Variants in PCDHGC3 observed in about 807,000 individuals in gnomAD.
The protein encoded by PCDHGC3 is protocadherin gamma-C3.
Under a neutral mutation model 59.2 loss-of-function variants are expected in PCDHGC3, and 26 were observed. The ratio of observed to expected loss-of-function variants is 0.44; its 90% CI spans 0.32 to 0.61. The LOEUF is 0.61. PCDHGC3 is among the 20% of genes least tolerant of loss of function. PCDHGC3 has a pLI of 0.05. For missense variants in PCDHGC3, 1,080 were observed against 1,221.8 expected, an observed-to-expected ratio of 0.88 and a Z score of 1.73; for synonymous variants, 487 against 519.7, an observed-to-expected ratio of 0.94 and a Z score of 0.86.
rs1252008984 is a variant in PCDHGC3, at chr5:141,478,145, T to C, written c.2029T>C (p.Phe677Leu). 6.2e-7 allele frequency: 1 copy of C among 1,614,026 alleles called. No individual in the cohort carries two copies. ...TEDSPEARAE[F>L]PSGSAPREQK... ...GGACTCTCCTGAAGCCCGAGCCGAG[T>C]TCCCCTCTGGCTCTGCCCCCCGGGA... Residue 677 changes from phenylalanine to leucine, a missense_variant, in exon 1 of 4, where the codon TTC becomes CTC. By Grantham distance (22) the Phe-to-Leu change is conservative (BLOSUM62 0). Transcript: ENST00000308177.
chr5:141,502,864 G>GGCTTTTTT (rs2099816401), intron 2 of PCDHGC3, among the ~76,000 whole-genome samples: 1 of 61,572 alleles, frequency 1.6e-5, no homozygotes, highest in Non-Finnish European at 3.0e-5. Flanking sequence ...CTGACTCTCT[G>GGCTTTTTT]TCTTTTTTTT....
In PCDHGC3 at chr5:141,489,365, G is replaced by A. The variant is rs774363104; in HGVS notation, c.2431-5442G>A. ...TCAGTGGTGGAGGAGTCTGAGCCGG[G>A]GACGCTGGTGGGGAATGTTGCTCAG... On this transcript the variant is annotated intron_variant, in intron 1 of 3. Transcript: ENST00000308177. The surrounding 1 kb of genome is among the most constrained non-coding windows in gnomAD (Gnocchi z 4.5). The A allele has an allele frequency of 6.2e-7, 1 of 1,613,512 alleles. No individual in the cohort carries two copies.
chr5:141,490,149 T>C lies in PCDHGC3; in HGVS notation c.2431-4658T>C. The C allele has an allele frequency of 1.9e-6, 3 of 1,614,188 alleles. No individual in the cohort carries two copies. The highest frequency in any genetic ancestry group is 2.7e-5 in the African/African-American group (2 of 75,050). On this transcript the variant is annotated intron_variant, in intron 1 of 3. Coordinates refer to ENST00000308177, the MANE Select transcript of PCDHGC3 (RefSeq NM_002588.4). This position sits in a 1 kb window ranked among gnomAD's most constrained non-coding sequence, Gnocchi z 5.4. ...TAGACCCTAGCAGTGGGGCAATCCA[T>C]GTGTTGGGTCCCATAGACTTTGAGG... is the stretch of plus-strand genomic sequence containing the variant.
At chr5:141,509,650 T>C (rs1484029268) in intron 3 of PCDHGC3, among the ~76,000 whole-genome samples, 1 of 152,188 alleles carries the variant, frequency 6.6e-6, no homozygotes, top group African/African-American at 2.4e-5. Context: ...GGCCAGAGTG[T>C]GGACTTCTCT....
Position 141,477,657 on chromosome 5 carries a change from G to C in PCDHGC3, c.1541G>C (p.Arg514Pro). 4 of 1,614,190 alleles carry C rather than the reference G, an allele frequency of 2.5e-6. No individual in the cohort carries two copies. Among genetic ancestry groups the C allele is most frequent in the Non-Finnish European group, 3.4e-6 (4 of 1,180,038 alleles). ...GLVGRYFTIN[R>P]DNGIVSSLVP... The stretch of plus-strand genomic sequence containing the variant: ...GTGGGTCGCTATTTCACAATAAATC[G>C]TGACAATGGCATAGTGTCATCCTTA... The change falls in exon 1 of 4, where the codon CGT becomes CCT. Residue 514 changes from arginine to proline, a missense_variant. Coordinates refer to ENST00000308177, the MANE Select transcript of PCDHGC3 (RefSeq NM_002588.4). The surrounding 1 kb of genome is among the most constrained non-coding windows in gnomAD (Gnocchi z 4.9).
chr5:141,485,441 A>T lies in PCDHGC3; in HGVS notation c.2430+6895A>T. On this transcript the variant is annotated intron_variant, in intron 1 of 3. Coordinates refer to ENST00000308177, the MANE Select transcript of PCDHGC3 (RefSeq NM_002588.4). The surrounding 1 kb of genome is among the most constrained non-coding windows in gnomAD (Gnocchi z 5.7). ...CGGAGCCCTGCTCATCAAGAACCCA[A>T]TCGACCGAGAGGCACTGTGTGGGCT... is the stretch of plus-strand genomic sequence containing the variant. The T allele has an allele frequency of 6.2e-7, 1 of 1,613,910 alleles. No homozygotes were observed. The highest frequency in any genetic ancestry group is 1.1e-5 in the South Asian group (1 of 91,062).
chr5:141,502,308 C>T (rs928137926), intron 2 of PCDHGC3, among the ~76,000 whole-genome samples: 2 of 151,586 alleles, frequency 1.3e-5, no homozygotes, highest in Non-Finnish European at 2.9e-5. Flanking sequence ...CTTTCCTCTC[C>T]TTTAATCTGG....
chr5:141,478,045 T>C lies in PCDHGC3; in HGVS notation c.1929T>C (p.Thr643=). ...PVQDTDSPRQ[T]LTVLIKDNGE... is the part of the protein sequence containing the mutation. The stretch of plus-strand genomic sequence containing the variant: ...AAGACACAGATTCACCCAGGCAGAC[T>C]CTCACGGTCTTGATCAAAGACAATG... Residue 643 remains threonine, a synonymous_variant, in exon 1 of 4, where the codon ACT becomes ACC. Coordinates refer to ENST00000308177, the MANE Select transcript of PCDHGC3 (RefSeq NM_002588.4). 3 of 1,614,144 alleles carry C rather than the reference T, an allele frequency of 1.9e-6. No individual in the cohort carries two copies. Among genetic ancestry groups the C allele is most frequent in the East Asian group, 2.2e-5 (1 of 44,880 alleles).
At chr5:141,494,445 A>G (rs1424475551) in intron 1 of PCDHGC3, among the ~76,000 whole-genome samples, 1 of 152,158 alleles carries the variant, frequency 6.6e-6, no homozygotes, top group East Asian at 1.9e-4. Flanking sequence ...TTGCCACTTT[A>G]GGGGGCTTTG....
chr5:141,510,986 G>A lies in PCDHGC3; in HGVS notation c.2618G>A (p.Gly873Asp), dbSNP rs754203270. The A allele has an allele frequency of 6.2e-7, 1 of 1,614,166 alleles. No individual in the cohort carries two copies. The highest frequency in any genetic ancestry group is 8.5e-7 in the Non-Finnish European group (1 of 1,180,012). The change falls in exon 4 of 4, where the codon GGC becomes GAC. Residue 873 changes from glycine to aspartate, a missense_variant. Physicochemically the swap from Gly to Asp is moderately conservative, Grantham distance 94. Transcript: ENST00000308177. ...DGSSTLGGGA[G>D]TMGLSARYGP... ...AGCTCCACCCTGGGAGGGGGTGCCG[G>A]CACCATGGGATTGAGCGCCCGCTAC... is the stretch of plus-strand genomic sequence containing the variant.
Position 141,491,699 on chromosome 5 carries a change from A to G in PCDHGC3, c.2431-3108A>G. The G allele has an allele frequency of 6.2e-7, 1 of 1,612,008 alleles. No individual in the cohort carries two copies. The highest frequency in any genetic ancestry group is 1.1e-5 in the South Asian group (1 of 90,926). ...TCTAATACGCTGCGGGAGCGGAGCC[A>G]GGTGAGGGGCTCGGCGCCGCCCCGG... On this transcript the variant is annotated intron_variant, in intron 1 of 3. Transcript: ENST00000308177. The surrounding 1 kb of genome is among the most constrained non-coding windows in gnomAD (Gnocchi z 6.9).
rs201458212 is a variant in PCDHGC3 at position 141,487,439 on chromosome 5, T to A, written c.2431-7368T>A. On this transcript the variant is annotated intron_variant, in intron 1 of 3. Coordinates refer to ENST00000308177, the MANE Select transcript of PCDHGC3 (RefSeq NM_002588.4). The surrounding 1 kb of genome is among the most constrained non-coding windows in gnomAD (Gnocchi z 5.0). ...TGGGATCCTCCGAATCCAGCTAGGG[T>A]CAGATGACCCTATCAAGTTTGTTGA... The A allele has an allele frequency of 1.5e-4, 242 of 1,613,808 alleles. No individual in the cohort carries two copies. Among genetic ancestry groups the A allele is most frequent in the Non-Finnish European group, 1.9e-4 (230 of 1,179,978 alleles).
rs749781059 is a variant in PCDHGC3 at position 141,477,983 on chromosome 5, C to G, written c.1867C>G (p.Leu623Val). Residue 623 changes from leucine to valine, a missense_variant, in exon 1 of 4, where the codon CTG becomes GTG. Leu to Val is a conservative substitution (Grantham distance 32, BLOSUM62 1). Coordinates refer to ENST00000308177, the MANE Select transcript of PCDHGC3 (RefSeq NM_002588.4). This position sits in a 1 kb window ranked among gnomAD's most constrained non-coding sequence, Gnocchi z 4.9. ...TAACCAGAGCCTTTTTGCCATAGGG[C>G]TGCACACTGGTCAAATCAGTACTGC... ...SPNQSLFAIG[L>V]HTGQISTARP... The G allele has an allele frequency of 1.7e-5, 27 of 1,614,126 alleles. No homozygotes were observed. The highest frequency in any genetic ancestry group is 2.3e-5 in the Non-Finnish European group (27 of 1,180,024).
intron 1 of PCDHGC3, among the ~76,000 whole-genome samples, chr5:141,488,554 T>C (rs1313975033): frequency 6.6e-6 from 1 of 152,064 alleles, no homozygotes; most frequent in African/African-American, 2.4e-5. Context: ...CAGCTGACAT[T>C]GAGATTTCCG....
intron 3 of PCDHGC3, among the ~76,000 whole-genome samples, chr5:141,509,265 C>G (rs1296179995): frequency 1.3e-5 from 2 of 152,138 alleles, no homozygotes; most frequent in African/African-American, 4.8e-5. Flanking sequence ...TTTAGTCACT[C>G]TCGCTACCCG....
Position 141,490,705 on chromosome 5 carries a change from C to T in PCDHGC3, c.2431-4102C>T. 1 of 1,614,194 alleles carries T rather than the reference C, an allele frequency of 6.2e-7. No individual in the cohort carries two copies. Among genetic ancestry groups the T allele is most frequent in the South Asian group, 1.1e-5 (1 of 91,082 alleles). On this transcript the variant is annotated intron_variant, in intron 1 of 3. Coordinates refer to ENST00000308177, the MANE Select transcript of PCDHGC3 (RefSeq NM_002588.4). This position sits in a 1 kb window ranked among gnomAD's most constrained non-coding sequence, Gnocchi z 5.4. ...TCCAGACACTGGGGATAATGCCCGC[C>T]TCACCTACTCCATTGTAGGAAATCA...
chr5:141,481,312 T>C (rs953898526), intron 1 of PCDHGC3, among the ~76,000 whole-genome samples: 1 of 152,200 alleles, frequency 6.6e-6, no homozygotes, highest in Non-Finnish European at 1.5e-5. Flanking sequence ...AAAACCTTCC[T>C]AAAGCACTAG....
chr5:141,478,878 T>C (rs946127535), intron 1 of PCDHGC3: 8 of 1,250,076 alleles, frequency 6.4e-6, no homozygotes, highest in Non-Finnish European at 8.6e-6. Context: ...GAGTTTAGCT[T>C]GGTATCATTT....
At position 141,512,430 on chromosome 5, in the gene PCDHGC3, CT is replaced by C. The variant is rs1357890225; in HGVS notation, c.*1258del. The C allele has an allele frequency of 1.3e-5, 2 of 152,824 alleles. No homozygotes were observed. Among genetic ancestry groups the C allele is most frequent in the Non-Finnish European group, 2.9e-5 (2 of 68,158 alleles). 9.5% of individuals were successfully genotyped at this position (152,824 alleles called of 1,614,324 possible). On this transcript the variant is annotated 3_prime_UTR_variant, in exon 4 of 4. Coordinates refer to ENST00000308177, the MANE Select transcript of PCDHGC3 (RefSeq NM_002588.4). ...CTTCTTCAACAGGGCCCCTGCCCTCCTGAAGCCTCAGTCCTTCACCTTGCCA... is the reference window on the plus strand; with the variant it reads ...CTTCTTCAACAGGGCCCCTGCCCTCCGAAGCCTCAGTCCTTCACCTTGCCA...
Sources: allele counts gnomAD v4.1 joint callset (sites outside exome capture counted in the v4.1 genomes callset), GRCh38; gene constraint gnomAD v4.1.1; non-coding constraint Gnocchi (gnomAD v3.1); transcripts MANE v1.5; gene names NCBI Gene and HGNC (gene_info 2026-07-23, HGNC 2026-07-21).